DOP1A: variants seen among roughly 807,000 people sequenced by gnomAD.
DOP1A encodes the protein protein DOP1A.
In DOP1A, 90 loss-of-function variants were observed where a neutral mutation model predicts 267.6. The observed-to-expected ratio is 0.34, with a 90% CI of 0.28 to 0.40. The LOEUF (loss-of-function observed/expected upper bound fraction) is 0.40. Among genes scored for constraint, DOP1A ranks in the 10% least tolerant of loss-of-function variants. The pLI, the probability that DOP1A is intolerant of heterozygous loss-of-function variation, is 1.00. For synonymous variants in DOP1A, 932 were observed against 999.1 expected (o/e 0.93, Z 1.27); for missense variants, 2,437 against 2,900.4 (o/e 0.84, Z 3.67).
chr6:83,149,161 G>A (rs1781114461), intron 27 of DOP1A, among the ~76,000 whole-genome samples: 2 of 152,068 alleles, frequency 1.3e-5, no homozygotes, highest in South Asian at 4.1e-4. Flanking sequence ...AAGGGGAGGG[G>A]GTGATGTAGC....
chr6:83,099,678 A>ATG (rs1491456034), intron 3 of DOP1A, among the ~76,000 whole-genome samples: 236 of 136,018 alleles, frequency 1.7e-3, no homozygotes, highest in Admixed American at 3.3e-3. Context: ...CAAGGATTGC[A>ATG]TATGTGTGTG....
intron 18 of DOP1A, 66 bp from the exon 19 acceptor site, chr6:83,134,121 T>C: frequency 7.1e-7 from 1 of 1,401,254 alleles, no homozygotes; most frequent in Non-Finnish European, 9.9e-7. Context: ...AGTACTCTGA[T>C]TTTACTAAAA....
At chr6:83,085,871 AGGTTT>A (rs1275268998) in intron 1 of DOP1A, among the ~76,000 whole-genome samples, 1 of 151,888 alleles carries the variant, frequency 6.6e-6, no homozygotes, top group African/African-American at 2.4e-5. Flanking sequence ...CGCCATTGAC[AGGTTT>A]TAGGCAAAGG....
chr6:83,147,981 A>T (rs1217275304), intron 26 of DOP1A, among the ~76,000 whole-genome samples: 1 of 152,208 alleles, frequency 6.6e-6, no homozygotes, highest in Non-Finnish European at 1.5e-5. Context: ...AAGGAAAAAG[A>T]ACTAAGAGGG....
At chr6:83,133,093 T>C (rs193212716) in intron 18 of DOP1A, among the ~76,000 whole-genome samples, 3 of 152,224 alleles carry the variant, frequency 2.0e-5, no homozygotes, top group Admixed American at 1.3e-4. Context: ...AAGTAGTATA[T>C]GAAGGAGTAA....
intron 10 of DOP1A, 21 bp downstream of exon 10, chr6:83,120,812 G>A: frequency 6.9e-7 from 1 of 1,449,220 alleles, no homozygotes. Flanking sequence ...CTGTCCTAGG[G>A]CATAAGGTCA....
In DOP1A at chr6:83,142,009, A is replaced by G; in HGVS notation, c.5504A>G (p.Asn1835Ser). Residue 1835 changes from asparagine (N) to serine (S), a missense_variant, in exon 24 of 39, where the codon AAT becomes AGT. Around this residue, in one of 9 missense-constraint regions of DOP1A, gnomAD observed 307 missense variants for 308.6 expected, o/e 0.99. Coordinates refer to ENST00000349129, the MANE Select transcript of DOP1A (RefSeq NM_015018.4). ...ATGGCTGCCATTGCATTTGTGTGGAATGAAAGAAGACAGAATAAAACAACC... is the reference window on the plus strand; with the variant it reads ...ATGGCTGCCATTGCATTTGTGTGGAGTGAAAGAAGACAGAATAAAACAACC... ...HFMAAIAFVW[N>S]ERRQNKTTTR... 6.2e-7 allele frequency: 1 copy of G among 1,612,816 alleles called. No homozygotes were observed. Among genetic ancestry groups the G allele is most frequent in the Non-Finnish European group, 8.5e-7 (1 of 1,179,580 alleles).
intron 38 of DOP1A, chr6:83,166,464 A>T: frequency 1.4e-6 from 1 of 701,240 alleles, no homozygotes; most frequent in Non-Finnish European, 2.6e-6. Context: ...GCTGCTTTAT[A>T]ACCTATTTTG....
chr6:83,118,947 G>A lies in DOP1A; in HGVS notation c.840G>A (p.Arg280=). 6.2e-7 allele frequency: 1 copy of A among 1,613,524 alleles called. No homozygotes were observed. The highest frequency in any genetic ancestry group is 8.5e-7 in the Non-Finnish European group (1 of 1,179,652). ...CAGCCCTTCATGTAGTGCTAAGGAGGGATATGTCTCTGAATCGAAGACTTT... is the reference window on the plus strand; with the variant it reads ...CAGCCCTTCATGTAGTGCTAAGGAGAGATATGTCTCTGAATCGAAGACTTT... ...LSAALHVVLR[R]DMSLNRRLYA... is the part of the protein sequence containing the mutation. Residue 280 remains arginine (R), a synonymous_variant, in exon 8 of 39, where the codon AGG becomes AGA. Transcript: ENST00000349129.
chr6:83,125,843 C>A, intron 15 of DOP1A, 110 bp downstream of exon 15: 1 of 972,824 alleles, frequency 1.0e-6, no homozygotes, highest in Non-Finnish European at 1.5e-6. Context: ...GTGAGTCTTT[C>A]CTAGATCCAA....
chr6:83,121,560 C>G (rs1776388731), intron 10 of DOP1A, among the ~76,000 whole-genome samples: 1 of 151,330 alleles, frequency 6.6e-6, no homozygotes, highest in Non-Finnish European at 1.5e-5. Flanking sequence ...ACTATGCTAC[C>G]CATCTTACAA....
At chr6:83,094,103 A>G (rs1364249805) in intron 1 of DOP1A, among the ~76,000 whole-genome samples, 1 of 151,926 alleles carries the variant, frequency 6.6e-6, no homozygotes, top group Non-Finnish European at 1.5e-5. Context: ...CTAATCAACC[A>G]CTAATTTACT....
intron 4 of DOP1A, among the ~76,000 whole-genome samples, chr6:83,101,761 G>A (rs112912756): frequency 6.6e-6 from 1 of 151,898 alleles, no homozygotes; most frequent in Non-Finnish European, 1.5e-5. Context: ...ATTTTATTGT[G>A]TACATTTAAG....
intron 6 of DOP1A, among the ~76,000 whole-genome samples, chr6:83,111,058 C>T (rs1774471962): frequency 6.6e-6 from 1 of 152,106 alleles, no homozygotes; most frequent in Non-Finnish European, 1.5e-5. Context: ...AAACACTGAT[C>T]TGTTTACTGT....
rs749411806 is a variant in DOP1A, at chr6:83,125,148, T to C, written c.1456-18T>C. On this transcript the variant is annotated intron_variant, in intron 13 of 38. Coordinates refer to ENST00000349129, the MANE Select transcript of DOP1A (RefSeq NM_015018.4). ...CTTCTGTTTTCTCTCCTCACTTCTT[T>C]GCTTTCTCATTTTGAAGCCTACTAG... 1.3e-6 allele frequency: 2 copies of C among 1,578,458 alleles called. No homozygotes were observed. Among genetic ancestry groups the C allele is most frequent in the Non-Finnish European group, 1.7e-6 (2 of 1,169,994 alleles).
chr6:83,150,012 A>C (rs6924413), intron 27 of DOP1A, among the ~76,000 whole-genome samples: 3,636 of 152,322 alleles, frequency 0.024, 147 homozygotes, highest in African/African-American at 0.082. Context: ...GTAGCAGCAC[A>C]GATGTGTTAA....
At chr6:83,072,557 C>G (rs1433701496) in intron 1 of DOP1A, among the ~76,000 whole-genome samples, 1 of 152,138 alleles carries the variant, frequency 6.6e-6, no homozygotes, top group Non-Finnish European at 1.5e-5. Context: ...TTTCCTGCTT[C>G]TCACTGTAAA....
chr6:83,097,194 T>C, intron 3 of DOP1A, 79 bp downstream of exon 3: 1 of 1,481,162 alleles, frequency 6.8e-7, no homozygotes, highest in Non-Finnish European at 9.1e-7. Flanking sequence ...TCTCGAAATC[T>C]TGAAGTAAGA....
At chr6:83,124,863 G>T (rs139403764) in intron 13 of DOP1A, 44 bp downstream of exon 13, 1 of 1,459,216 alleles carries the variant, frequency 6.9e-7, no homozygotes, top group Non-Finnish European at 9.5e-7. Context: ...ATCGAATAAC[G>T]TAGTTCAAAT....
Sources: allele counts gnomAD v4.1 joint callset (sites outside exome capture counted in the v4.1 genomes callset), GRCh38; gene constraint gnomAD v4.1.1; regional missense constraint gnomAD v4.1.1; transcripts MANE v1.5; gene names NCBI Gene and HGNC (gene_info 2026-07-23, HGNC 2026-07-21).